The following SPATA13 variants were observed in gnomAD, a reference collection of about 807,000 sequenced individuals.
The protein encoded by SPATA13 is spermatogenesis associated 13, also known as spermatogenesis-associated protein 13.
A neutral mutation model predicts 104.0 loss-of-function variants in SPATA13; 50 were observed. That is an observed-to-expected ratio of 0.48 (90% CI 0.38 to 0.61). SPATA13 has a LOEUF of 0.61. Among genes scored for constraint, SPATA13 ranks in the 20% least tolerant of loss-of-function variants. The probability of loss-of-function intolerance (pLI) is 0.00; values close to 1 mark genes in which losing one functional copy is unlikely to be tolerated. For missense variants in SPATA13, 1,524 were observed against 1,690.6 expected (o/e 0.90, Z 1.73); for synonymous variants, 606 against 667.5 (o/e 0.91, Z 1.42).
intron 3 of SPATA13, among the ~76,000 whole-genome samples, chr13:24,144,159 G>A (rs1391461858): frequency 6.6e-6 from 1 of 152,170 alleles, no homozygotes; most frequent in East Asian, 1.9e-4. Flanking sequence ...CAGAAACTCA[G>A]TTCCCAAAGA....
intron 3 of SPATA13, chr13:24,034,504 A>C (rs1379655929): frequency 2.0e-5 from 3 of 148,132 alleles, no homozygotes; most frequent in African/African-American, 7.5e-5. Flanking sequence ...GTGTCTTCCC[A>C]AATTCTATAT....
At chr13:24,101,395 G>C (rs569924316) in intron 3 of SPATA13, among the ~76,000 whole-genome samples, 2 of 151,914 alleles carry the variant, frequency 1.3e-5, no homozygotes, top group South Asian at 4.2e-4. Context: ...CTAGCCCATG[G>C]TTTGCTTATT....
chr13:24,033,293 A>G (rs1877546953), intron 3 of SPATA13, among the ~76,000 whole-genome samples: 1 of 152,240 alleles, frequency 6.6e-6, no homozygotes, highest in African/African-American at 2.4e-5. Context: ...AAAAAAAGCA[A>G]TCAAGTCAAG....
At chr13:24,251,087 C>T (rs1294416164) in intron 3 of SPATA13, among the ~76,000 whole-genome samples, 7 of 152,166 alleles carry the variant, frequency 4.6e-5, no homozygotes, top group Non-Finnish European at 7.3e-5. Context: ...TTTTAGGGAT[C>T]GCTATTATAG....
chr13:23,992,421 A>G (rs970997340), intron 2 of SPATA13, among the ~76,000 whole-genome samples: 1 of 152,216 alleles, frequency 6.6e-6, no homozygotes, highest in African/African-American at 2.4e-5. Context: ...ATAAAAATTT[A>G]CCGCCTGGAT....
At chr13:24,010,265 T>A (rs1314068619) in intron 2 of SPATA13, among the ~76,000 whole-genome samples, 1 of 152,152 alleles carries the variant, frequency 6.6e-6, no homozygotes, top group East Asian at 1.9e-4. Context: ...ATATAAACAG[T>A]GGGGCAGAGG....
chr13:23,981,294 C>A (rs1216731148), intron 1 of SPATA13, among the ~76,000 whole-genome samples: 2 of 151,978 alleles, frequency 1.3e-5, no homozygotes, highest in Admixed American at 1.3e-4. Flanking sequence ...TCAAGGGGTT[C>A]GAATGATCTT....
intron 4 of SPATA13, among the ~76,000 whole-genome samples, chr13:24,260,714 C>T (rs1022837610): frequency 1.3e-5 from 2 of 152,148 alleles, no homozygotes; most frequent in African/African-American, 4.8e-5. Flanking sequence ...ATCGAGGAGT[C>T]TATATTCAGA....
intron 2 of SPATA13, among the ~76,000 whole-genome samples, chr13:24,004,170 A>G (rs117925487): frequency 0.014 from 2,057 of 152,316 alleles, 21 homozygotes; most frequent in Middle Eastern, 0.037. Context: ...TCTCCAAAGC[A>G]TCATGAACCC....
intron 1 of SPATA13, among the ~76,000 whole-genome samples, chr13:24,203,887 G>A (rs1870556319): frequency 2.6e-5 from 4 of 152,178 alleles, no homozygotes; most frequent in Admixed American, 2.6e-4. Context: ...GCCATTAGGT[G>A]CCAGACACTG....
intron 1 of SPATA13, among the ~76,000 whole-genome samples, chr13:24,191,900 C>T (rs975772628): frequency 3.9e-5 from 6 of 152,096 alleles, no homozygotes; most frequent in Admixed American, 1.3e-4. Context: ...CAGCTAAAAC[C>T]GGGTTCTTGT....
At chr13:24,024,065 C>A (rs1209666977) in intron 3 of SPATA13, among the ~76,000 whole-genome samples, 1 of 152,114 alleles carries the variant, frequency 6.6e-6, no homozygotes. Context: ...ATCAGAATTG[C>A]CACTGTGCTG....
Position 24,150,678 on chromosome 13 carries a change from A to C in SPATA13, c.-111-72141A>C, listed in dbSNP as rs371058430. Among the ~76,000 whole-genome samples the C allele has an allele frequency of 1.1e-4, 16 of 152,158 alleles. No homozygotes were observed. The East Asian group carries it at 1.3e-3, about 13-fold the overall frequency. On this transcript the variant is annotated intron_variant, in intron 3 of 14. Transcript: ENST00000424834. Reference sequence around the variant, plus strand: ...GTCTTGGGTCCAGAATCCACAGGGCAAGGCAGGCCACAGCAGGCTGGGGAT... The same window carrying C: ...GTCTTGGGTCCAGAATCCACAGGGCCAGGCAGGCCACAGCAGGCTGGGGAT...
At chr13:24,156,042 C>T (rs1882248035), upstream of SPATA13, among the ~76,000 whole-genome samples, 1 of 152,140 alleles carries the variant, frequency 6.6e-6, no homozygotes. Context: ...GAGTGATATT[C>T]CATTGTATGT....
chr13:24,247,289 C>T (rs1329678861), intron 2 of SPATA13, among the ~76,000 whole-genome samples: 1 of 152,036 alleles, frequency 6.6e-6, no homozygotes, highest in Non-Finnish European at 1.5e-5. Context: ...GGTGACGTGG[C>T]ATTGCAGGAA....
At chr13:24,252,243 C>T (rs1456815665) in intron 4 of SPATA13, among the ~76,000 whole-genome samples, 1 of 152,094 alleles carries the variant, frequency 6.6e-6, no homozygotes, top group Non-Finnish European at 1.5e-5. Flanking sequence ...GCGTCTGGTG[C>T]CCTCAGTGTT....
Position 24,286,999 on chromosome 13 carries a change from A to G in SPATA13, c.2667+49A>G, listed in dbSNP as rs1876000475. The G allele has an allele frequency of 1.9e-6, 3 of 1,549,964 alleles. No homozygotes were observed. Among genetic ancestry groups the G allele is most frequent in the East Asian group, 2.3e-5 (1 of 43,794 alleles). On this transcript the variant is annotated intron_variant, in intron 7 of 12. Coordinates refer to ENST00000382108, the MANE Select transcript of SPATA13 (RefSeq NM_001166271.3). This position sits in a 1 kb window ranked among gnomAD's most constrained non-coding sequence, Gnocchi z 4.9. ...ACTGAGGGTCACAGTATGAGGCTGC[A>G]TGAGGTGCCTGGGCTTTCTCCCCAC...
At chr13:24,147,815 C>A (rs4769327) in intron 3 of SPATA13, among the ~76,000 whole-genome samples, 71,813 of 151,950 alleles carry the variant, frequency 0.47, 17,995 homozygotes, top group Admixed American at 0.59. Context: ...TGAGCTTGAC[C>A]GCTCTAGATA....
At chr13:24,152,035 C>G (rs1206801547) in intron 3 of SPATA13, among the ~76,000 whole-genome samples, 1 of 152,184 alleles carries the variant, frequency 6.6e-6, no homozygotes, top group Non-Finnish European at 1.5e-5. Context: ...GCAGCAGACA[C>G]AGGCAGAGTG....
Sources: allele counts gnomAD v4.1 joint callset (sites outside exome capture counted in the v4.1 genomes callset), GRCh38; gene constraint gnomAD v4.1.1; non-coding constraint Gnocchi (gnomAD v3.1); transcripts MANE v1.5; gene names NCBI Gene and HGNC (gene_info 2026-07-23, HGNC 2026-07-21).